Variants in NRG4 observed in about 807,000 individuals in gnomAD.
NRG4 encodes neuregulin 4, also known as pro-neuregulin-4, membrane-bound isoform.
NRG4 carries 10 observed loss-of-function variants against 15.0 expected under a neutral mutation model. The observed-to-expected ratio is 0.67, with a 90% CI of 0.41 to 1.13. The LOEUF (loss-of-function observed/expected upper bound fraction) is 1.13, where lower values mean the gene tolerates loss of function less well. Among genes scored for constraint, NRG4 ranks in the 50% most tolerant of loss-of-function variants. The pLI is 0.00. For missense variants in NRG4, 139 were observed against 140.2 expected, an observed-to-expected ratio of 0.99 and a Z score of 0.04; for synonymous variants, 41 against 50.1, an observed-to-expected ratio of 0.82 and a Z score of 0.77.
intron 5 of NRG4, among the ~76,000 whole-genome samples, chr15:76,035,788 C>T (rs1230687279): frequency 1.3e-5 from 2 of 152,140 alleles, no homozygotes; most frequent in African/African-American, 4.8e-5. Flanking sequence ...GGCAGCAGAG[C>T]CCCTGGTGGT....
intron 3 of NRG4, among the ~76,000 whole-genome samples, chr15:75,965,836 A>C (rs917599035): frequency 6.6e-6 from 1 of 152,238 alleles, no homozygotes; most frequent in African/African-American, 2.4e-5. Context: ...CAAAACACAA[A>C]GAGGTCATGT....
At chr15:75,976,508 C>T (rs190671296) in intron 3 of NRG4, among the ~76,000 whole-genome samples, 3 of 152,266 alleles carry the variant, frequency 2.0e-5, no homozygotes, top group Non-Finnish European at 4.4e-5. Flanking sequence ...TGTTGACCTT[C>T]GGCTGGGGTT....
chr15:76,036,289 A>G (rs888951981), intron 4 of NRG4, among the ~76,000 whole-genome samples: 1 of 152,242 alleles, frequency 6.6e-6, no homozygotes, highest in African/African-American at 2.4e-5. Context: ...GGCATAAACA[A>G]CTTTATGTAA....
downstream of NRG4, chr15:75,935,794 T>A (rs1320415642): frequency 6.6e-6 from 1 of 151,990 alleles, no homozygotes; most frequent in South Asian, 2.1e-4. Context: ...TCTGAGAACT[T>A]TCTTTTTTTT....
At chr15:75,992,377 C>A (rs773188506) in intron 3 of NRG4, among the ~76,000 whole-genome samples, 4 of 152,034 alleles carry the variant, frequency 2.6e-5, no homozygotes, top group Non-Finnish European at 4.4e-5. Flanking sequence ...GGAGACCTTC[C>A]TTTTACATTT....
At chr15:75,938,737 T>G (rs2030633702), downstream of NRG4, 1 of 152,192 alleles carries the variant, frequency 6.6e-6, no homozygotes, top group Admixed American at 6.5e-5. Flanking sequence ...CTACATAGTT[T>G]TAAAAGATAC....
At chr15:76,058,297 C>A (rs560928620) in intron 1 of NRG4, among the ~76,000 whole-genome samples, 1 of 152,292 alleles carries the variant, frequency 6.6e-6, no homozygotes, top group Admixed American at 6.5e-5. Context: ...AATCCTTTGG[C>A]AACCCAGGTA....
chr15:75,940,720 C>T (rs918985524), downstream of NRG4: 1 of 151,912 alleles, frequency 6.6e-6, no homozygotes, highest in Non-Finnish European at 1.5e-5. Context: ...GACAAGGGTG[C>T]CAAGGCTATT....
At chr15:75,995,920 AAGTC>A (rs1425901205) in intron 3 of NRG4, among the ~76,000 whole-genome samples, 1 of 152,204 alleles carries the variant, frequency 6.6e-6, no homozygotes, top group African/African-American at 2.4e-5. Context: ...TTACAGTTCT[AAGTC>A]AGATTATCTC....
At chr15:75,948,687 T>A (rs746913981) in intron 5 of NRG4, among the ~76,000 whole-genome samples, 3 of 152,134 alleles carry the variant, frequency 2.0e-5, no homozygotes, top group Non-Finnish European at 4.4e-5. Context: ...GCACCACTTA[T>A]TGAAAAACGG....
At chr15:76,000,033 GCCA>G (rs1242313902) in intron 3 of NRG4, among the ~76,000 whole-genome samples, 1 of 152,048 alleles carries the variant, frequency 6.6e-6, no homozygotes, top group East Asian at 1.9e-4. Flanking sequence ...ACAGGTGCCT[GCCA>G]CCACACCTGG....
chr15:76,003,580 C>G (rs919330614), intron 3 of NRG4, among the ~76,000 whole-genome samples: 8 of 151,802 alleles, frequency 5.3e-5, no homozygotes, highest in African/African-American at 1.9e-4. Context: ...TATAAATATC[C>G]AAAAAGGTTA....
rs751023365 is a variant in NRG4, at chr15:75,961,808, C to G, written c.251+20G>C. On this transcript the variant is annotated intron_variant, in intron 4 of 5. Coordinates refer to ENST00000394907, the MANE Select transcript of NRG4 (RefSeq NM_138573.4). ...CTTTATGTATTACTTTTCTCAAAAG[C>G]ATGTTTCTATTTTACTTACCTGCAA... The G allele has an allele frequency of 1.3e-5, 21 of 1,581,640 alleles. No homozygotes were observed. Among genetic ancestry groups the G allele is most frequent in the South Asian group, 1.1e-4 (10 of 87,376 alleles).
intron 5 of NRG4, among the ~76,000 whole-genome samples, chr15:76,026,580 T>C (rs76534324): frequency 0.016 from 2,455 of 152,080 alleles, 66 homozygotes; most frequent in African/African-American, 0.056. Context: ...ATTACTACAC[T>C]CATAAAAACA....
chr15:75,989,156 C>A (rs1271639324), intron 3 of NRG4, among the ~76,000 whole-genome samples: 1 of 152,138 alleles, frequency 6.6e-6, no homozygotes, highest in African/African-American at 2.4e-5. Context: ...GCACACCCAG[C>A]CCTGAGTGAA....
At position 75,943,631 on chromosome 15, in the gene NRG4, C is replaced by T. The variant is rs771951828; in HGVS notation, c.*7G>A. The T allele has an allele frequency of 5.2e-6, 8 of 1,553,182 alleles. No individual in the cohort carries two copies. Among genetic ancestry groups the T allele is most frequent in the Middle Eastern group, 1.7e-4 (1 of 5,936 alleles). ...AAAACAATGATTTGGTTCACTTTGA[C>T]GTTTCTTCAGTGTTGTTCATGACCT... On this transcript the variant is annotated 3_prime_UTR_variant, in exon 6 of 6. Coordinates refer to ENST00000394907, the MANE Select transcript of NRG4 (RefSeq NM_138573.4).
chr15:76,015,266 A>G (rs995102294), upstream of NRG4, among the ~76,000 whole-genome samples: 1 of 152,226 alleles, frequency 6.6e-6, no homozygotes, highest in African/African-American at 2.4e-5. Context: ...TTTTCTAAAT[A>G]TACAATCATG....
At chr15:76,013,703 C>A (rs542052149), upstream of NRG4, among the ~76,000 whole-genome samples, 2 of 152,108 alleles carry the variant, frequency 1.3e-5, no homozygotes, top group African/African-American at 4.8e-5. Context: ...TAGTATTCCA[C>A]GGTATATATG....
chr15:76,043,604 A>G (rs553794100), intron 4 of NRG4, among the ~76,000 whole-genome samples: 12 of 152,356 alleles, frequency 7.9e-5, no homozygotes, highest in African/African-American at 2.4e-4. Flanking sequence ...AAAGCTCTCT[A>G]CAATGAAAAC....
Sources: gnomAD v4.1 joint callset for allele counts (sites outside exome capture counted in the v4.1 genomes callset) on GRCh38, gnomAD v4.1.1 for gene constraint, MANE v1.5 for transcripts, NCBI Gene and HGNC (gene_info 2026-07-23, HGNC 2026-07-21) for gene names.